The following SLC24A3 variants were observed in gnomAD, a reference collection of about 807,000 sequenced individuals.
The protein encoded by SLC24A3 is sodium/potassium/calcium exchanger 3.
SLC24A3 carries 28 observed loss-of-function variants against 75.8 expected under a neutral mutation model. The observed-to-expected ratio is 0.37, with a 90% confidence interval of 0.27 to 0.51. The LOEUF (loss-of-function observed/expected upper bound fraction) is 0.51. Among genes scored for constraint, SLC24A3 ranks in the 20% least tolerant of loss-of-function variants. The pLI, the probability that SLC24A3 is intolerant of heterozygous loss-of-function variation, is 0.94. For missense variants in SLC24A3, 663 were observed against 847.8 expected (o/e 0.78, Z 2.71); for synonymous variants, 372 against 334.1 (o/e 1.11, Z -1.24).
At chr20:19,364,606 C>T (rs1985851555) in intron 2 of SLC24A3, among the ~76,000 whole-genome samples, 1 of 152,060 alleles carries the variant, frequency 6.6e-6, no homozygotes, top group Non-Finnish European at 1.5e-5. Flanking sequence ...AGGTGTGCAC[C>T]ATCATGCCTG....
chr20:19,406,225 T>TGA (rs11087283), intron 2 of SLC24A3, among the ~76,000 whole-genome samples: 6 of 151,900 alleles, frequency 3.9e-5, no homozygotes, highest in African/African-American at 1.5e-4. Context: ...TGTGTGTGTG[T>TGA]GTGAGAGAGA....
intron 12 of SLC24A3, among the ~76,000 whole-genome samples, chr20:19,690,229 A>G (rs1476342940): frequency 5.9e-5 from 9 of 152,186 alleles, no homozygotes. Flanking sequence ...CAAAGGGGCA[A>G]TAACTTAAAG....
intron 6 of SLC24A3, among the ~76,000 whole-genome samples, chr20:19,585,852 A>G (rs980473433): frequency 1.3e-5 from 2 of 152,204 alleles, no homozygotes; most frequent in African/African-American, 4.8e-5. Flanking sequence ...TATGTTACTG[A>G]TCTGAACTAG....
intron 6 of SLC24A3, among the ~76,000 whole-genome samples, chr20:19,626,883 C>T (rs1010970617): frequency 9.2e-5 from 14 of 152,186 alleles, no homozygotes; most frequent in African/African-American, 2.9e-4. Context: ...TGAATATGGG[C>T]TGTCACGTAG....
At chr20:19,643,777 T>A (rs1223210926) in intron 6 of SLC24A3, among the ~76,000 whole-genome samples, 1 of 152,228 alleles carries the variant, frequency 6.6e-6, no homozygotes, top group African/African-American at 2.4e-5. Context: ...TTGAGTGAAC[T>A]CCACACTATT....
At chr20:19,460,146 G>A (rs2328428) in intron 2 of SLC24A3, among the ~76,000 whole-genome samples, 78,866 of 151,786 alleles carry the variant, frequency 0.52, 21,017 homozygotes, top group Non-Finnish European at 0.58. Flanking sequence ...AGGGAGGTTT[G>A]CCCTCTTGGT....
chr20:19,711,422 A>G (rs947521149), intron 15 of SLC24A3, among the ~76,000 whole-genome samples: 1 of 152,140 alleles, frequency 6.6e-6, no homozygotes, highest in African/African-American at 2.4e-5. Context: ...AAATGCACAC[A>G]CACATGCAAA....
At chr20:19,511,976 C>T (rs1226191556) in intron 2 of SLC24A3, among the ~76,000 whole-genome samples, 1 of 152,168 alleles carries the variant, frequency 6.6e-6, no homozygotes, top group African/African-American at 2.4e-5. Context: ...CCACCCTGAC[C>T]CTGGAGCTCC....
intron 15 of SLC24A3, among the ~76,000 whole-genome samples, chr20:19,701,683 C>T (rs2032875724): frequency 6.6e-6 from 1 of 152,324 alleles, no homozygotes; most frequent in South Asian, 2.1e-4. Context: ...ATCTGGTTTA[C>T]TCCTCAGCTT....
At chr20:19,286,246 A>C (rs997309959) in intron 2 of SLC24A3, among the ~76,000 whole-genome samples, 6 of 152,290 alleles carry the variant, frequency 3.9e-5, no homozygotes, top group African/African-American at 1.2e-4. Flanking sequence ...CGAAGCCCAC[A>C]GTTAACAGTT....
intron 6 of SLC24A3, among the ~76,000 whole-genome samples, chr20:19,610,761 G>C (rs2031661356): frequency 6.6e-6 from 1 of 152,172 alleles, no homozygotes; most frequent in Non-Finnish European, 1.5e-5. Context: ...GTGGCCACCT[G>C]GGGGGTCAGA....
intron 3 of SLC24A3, among the ~76,000 whole-genome samples, chr20:19,575,094 A>G (rs373822117): frequency 2.1e-4 from 32 of 151,772 alleles, no homozygotes; most frequent in African/African-American, 7.3e-4. Flanking sequence ...TAAAAAAAAT[A>G]CAAAAAAAAA....
chr20:19,469,529 T>C (rs988589635), intron 2 of SLC24A3, among the ~76,000 whole-genome samples: 2 of 152,118 alleles, frequency 1.3e-5, no homozygotes, highest in African/African-American at 2.4e-5. Context: ...GCATCCACTG[T>C]TGGGTAGCCC....
chr20:19,508,454 T>A (rs1436192278), intron 2 of SLC24A3, among the ~76,000 whole-genome samples: 1 of 152,136 alleles, frequency 6.6e-6, no homozygotes. Context: ...CTCCATTTGA[T>A]CAATATGTGA....
intron 2 of SLC24A3, among the ~76,000 whole-genome samples, chr20:19,340,918 G>T (rs536106372): frequency 6.6e-6 from 1 of 152,150 alleles, no homozygotes; most frequent in South Asian, 2.1e-4. Context: ...GTCTCATTGG[G>T]CCCCTTTTGT....
chr20:19,247,422 T>A (rs1193582385), intron 1 of SLC24A3, among the ~76,000 whole-genome samples: 1 of 152,222 alleles, frequency 6.6e-6, no homozygotes, highest in Non-Finnish European at 1.5e-5. Context: ...TCTTCCACTC[T>A]TTTTAGTGAT....
chr20:19,371,642 G>A (rs117386548), intron 2 of SLC24A3, among the ~76,000 whole-genome samples: 2,355 of 152,244 alleles, frequency 0.015, 26 homozygotes, highest in Non-Finnish European at 0.025. Flanking sequence ...TCCATATGGC[G>A]GAAAGCTTTT....
chr20:19,709,624 A>C (rs961132831), intron 15 of SLC24A3, among the ~76,000 whole-genome samples: 1 of 151,504 alleles, frequency 6.6e-6, no homozygotes, highest in Non-Finnish European at 1.5e-5. Flanking sequence ...TCCATCTCAG[A>C]AAAAAAAAGT....
intron 2 of SLC24A3, among the ~76,000 whole-genome samples, chr20:19,484,052 T>C (rs1988095549): frequency 6.6e-6 from 1 of 152,170 alleles, no homozygotes; most frequent in Non-Finnish European, 1.5e-5. Flanking sequence ...ATGGGAGCAT[T>C]AGTCACGGTA....
Sources: allele counts gnomAD v4.1 joint callset (sites outside exome capture counted in the v4.1 genomes callset), GRCh38; gene constraint gnomAD v4.1.1; transcripts MANE v1.5; gene names NCBI Gene and HGNC (gene_info 2026-07-23, HGNC 2026-07-21).